Variants in CCN4 observed in about 807,000 individuals in gnomAD.
The protein encoded by CCN4 is cellular communication network factor 4, also known as CCN family member 4.
CCN4 carries 30 observed loss-of-function variants against 36.7 expected under a neutral mutation model. That is an observed-to-expected ratio of 0.82 (90% CI 0.61 to 1.11). CCN4 has a LOEUF of 1.11. Ranked by LOEUF, CCN4 falls within the 50% of genes least tolerant of loss-of-function variation. The probability of loss-of-function intolerance (pLI) is 0.00; values close to 1 mark genes in which losing one functional copy is unlikely to be tolerated. For missense variants in CCN4, 505 were observed against 504.9 expected, an observed-to-expected ratio of 1.00 and a Z score of 0.00; for synonymous variants, 191 against 195.4, an observed-to-expected ratio of 0.98 and a Z score of 0.19.
At chr8:133,212,241 A>G (rs1854072708) in intron 1 of CCN4, among the ~76,000 whole-genome samples, 1 of 151,748 alleles carries the variant, frequency 6.6e-6, no homozygotes, top group South Asian at 2.1e-4. Context: ...GCGCCAACTC[A>G]CTCCCCAAGG....
chr8:133,214,765 A>C (rs989109067), intron 2 of CCN4, among the ~76,000 whole-genome samples: 1 of 152,152 alleles, frequency 6.6e-6, no homozygotes, highest in African/African-American at 2.4e-5. Flanking sequence ...TCATAAACCC[A>C]AAAACTCCCT....
chr8:133,194,450 TGTGG>T (rs2130517031), intron 1 of CCN4, among the ~76,000 whole-genome samples: 1 of 53,288 alleles, frequency 1.9e-5, no homozygotes, highest in East Asian at 8.8e-4. Flanking sequence ...GTGGTGTGTG[TGTGG>T]TATGTGTGTG....
chr8:133,200,345 G>A (rs1275985214), intron 1 of CCN4, among the ~76,000 whole-genome samples: 1 of 152,204 alleles, frequency 6.6e-6, no homozygotes, highest in Non-Finnish European at 1.5e-5. Context: ...TCAGGAGACT[G>A]GAAGACGATC....
In CCN4 at chr8:133,227,453, A is replaced by G; in HGVS notation, c.847A>G (p.Met283Val). ...CLAVYQPEASMNFTLAGCIST... is the reference protein window; with the variant it reads ...CLAVYQPEASVNFTLAGCIST... ...GGCTGTGTACCAGCCAGAGGCATCCATGAACTTCACACTTGCGGGCTGCAT... is the reference window on the plus strand; with the variant it reads ...GGCTGTGTACCAGCCAGAGGCATCCGTGAACTTCACACTTGCGGGCTGCAT... Residue 283 changes from methionine to valine, a missense_variant, in exon 5 of 5, where the codon ATG becomes GTG. By Grantham distance (21) the Met-to-Val change is conservative (BLOSUM62 1). Transcript: ENST00000250160. 6.2e-7 allele frequency: 1 copy of G among 1,614,194 alleles called. No homozygotes were observed. Among genetic ancestry groups the G allele is most frequent in the African/African-American group, 1.3e-5 (1 of 75,054 alleles).
Position 133,213,016 on chromosome 8 carries a change from G to A in CCN4, c.222G>A (p.Glu74=). 6.2e-7 allele frequency: 1 copy of A among 1,614,176 alleles called. No individual in the cohort carries two copies. The change falls in exon 2 of 5, where the codon GAG becomes GAA. Residue 74 remains glutamate, a synonymous_variant. Transcript: ENST00000250160. ...LGVSLITDGC[E]CCKMCAQQLG... ...TCAGCCTCATCACAGATGGCTGTGA[G>A]TGCTGTAAGATGTGCGCTCAGCAGC...
intron 1 of CCN4, 29 bp from the exon 2 acceptor site, chr8:133,212,835 C>T: frequency 6.7e-7 from 1 of 1,498,784 alleles, no homozygotes; most frequent in Non-Finnish European, 9.0e-7. Flanking sequence ...TCTCAGCAGC[C>T]CCCCTTTCCC....
chr8:133,220,975 T>C (rs1854506372), intron 3 of CCN4, 134 bp downstream of exon 3: 2 of 1,228,628 alleles, frequency 1.6e-6, no homozygotes, highest in East Asian at 2.6e-5. Flanking sequence ...GAGAAAGTCA[T>C]ACCTCCCCTG....
At chr8:133,219,121 A>G (rs1249874145) in intron 2 of CCN4, among the ~76,000 whole-genome samples, 1 of 151,828 alleles carries the variant, frequency 6.6e-6, no homozygotes, top group African/African-American at 2.4e-5. Flanking sequence ...CATGTCCTCA[A>G]CTCAGCACCA....
At chr8:133,220,101 T>C (rs1854462371) in intron 2 of CCN4, among the ~76,000 whole-genome samples, 1 of 152,198 alleles carries the variant, frequency 6.6e-6, no homozygotes, top group Non-Finnish European at 1.5e-5. Flanking sequence ...GGCATGTCTT[T>C]TGTCTGTTTT....
At chr8:133,223,930 G>T (rs1854626656) in intron 3 of CCN4, among the ~76,000 whole-genome samples, 1 of 152,168 alleles carries the variant, frequency 6.6e-6, no homozygotes. Context: ...GGAGATACAT[G>T]CATCAATAGG....
chr8:133,192,661 G>A (rs183233048), intron 1 of CCN4, among the ~76,000 whole-genome samples: 63 of 152,324 alleles, frequency 4.1e-4, no homozygotes, highest in African/African-American at 1.3e-3. Context: ...GTATGGCTGC[G>A]CCTTTATTTG....
Position 133,227,749 on chromosome 8 carries a change from C to T in CCN4, c.*39C>T, listed in dbSNP as rs1854799358. On this transcript the variant is annotated 3_prime_UTR_variant, in exon 5 of 5. Transcript: ENST00000250160. ...TTGGGTCTTGGGGACTAACCCAATGCCTGTGAAGCAGTCAGCCCTTATGGC... is the reference window on the plus strand; with the variant it reads ...TTGGGTCTTGGGGACTAACCCAATGTCTGTGAAGCAGTCAGCCCTTATGGC... 2 of 1,586,068 alleles carry T rather than the reference C, an allele frequency of 1.3e-6. No homozygotes were observed. The highest frequency in any genetic ancestry group is 2.7e-5 in the African/African-American group (2 of 74,502).
intron 3 of CCN4, among the ~76,000 whole-genome samples, chr8:133,223,891 T>TA (rs1191279002): frequency 9.2e-5 from 14 of 152,178 alleles, no homozygotes; most frequent in Admixed American, 3.9e-4. Flanking sequence ...TTCAGATAGT[T>TA]AGAGAGCACT....
chr8:133,212,900 C>G lies in CCN4; in HGVS notation c.106C>G (p.Pro36Ala), dbSNP rs759578017. 1.1e-5 allele frequency: 18 copies of G among 1,609,604 alleles called. No homozygotes were observed. Among genetic ancestry groups the G allele is most frequent in the Middle Eastern group, 1.8e-4 (1 of 5,672 alleles). Residue 36 changes from proline (P) to alanine (A), a missense_variant, in exon 2 of 5, where the codon CCA (proline) becomes GCA (alanine). Pro to Ala is a conservative substitution (Grantham distance 27). Transcript: ENST00000250160. ...AGCCCCTACGACCATGGACTTTACCCCAGCTCCACTGGAGGACACCTCCTC... is the reference window on the plus strand; with the variant it reads ...AGCCCCTACGACCATGGACTTTACCGCAGCTCCACTGGAGGACACCTCCTC... Reference protein sequence around the residue: ...SPAPTTMDFTPAPLEDTSSRP... With the variant: ...SPAPTTMDFTAAPLEDTSSRP...
At chr8:133,205,531 C>T (rs1337883150) in intron 1 of CCN4, among the ~76,000 whole-genome samples, 1 of 152,186 alleles carries the variant, frequency 6.6e-6, no homozygotes, top group Non-Finnish European at 1.5e-5. Flanking sequence ...ATCTGCAGAA[C>T]AGGCCCAGGC....
intron 1 of CCN4, among the ~76,000 whole-genome samples, chr8:133,207,167 A>G (rs1160855413): frequency 6.6e-6 from 1 of 152,266 alleles, no homozygotes; most frequent in African/African-American, 2.4e-5. Context: ...CTCCAGGAGA[A>G]GTTCTGGCCA....
At position 133,225,426 on chromosome 8, in the gene CCN4, G is replaced by T. The variant is rs763295341; in HGVS notation, c.647G>T (p.Cys216Phe). The T allele has an allele frequency of 6.2e-7, 1 of 1,612,800 alleles. No individual in the cohort carries two copies. Among genetic ancestry groups the T allele is most frequent in the African/African-American group, 1.3e-5 (1 of 74,890 alleles). Residue 216 changes from cysteine to phenylalanine, a missense_variant, in exon 4 of 5, where the codon TGC becomes TTC. Cys to Phe is a radical substitution (Grantham distance 205). Coordinates refer to ENST00000250160, the MANE Select transcript of CCN4 (RefSeq NM_003882.4). ...VGEVEAWHRNCIAYTSPWSPC... is the reference protein window; with the variant it reads ...VGEVEAWHRNFIAYTSPWSPC... ...GAGGTGGAGGCATGGCACAGGAACT[G>T]CATAGCCTACACAAGCCCCTGGAGC...
chr8:133,206,980 G>A (rs1853798191), intron 1 of CCN4, among the ~76,000 whole-genome samples: 2 of 152,234 alleles, frequency 1.3e-5, no homozygotes, highest in South Asian at 4.1e-4. Flanking sequence ...CAGCTTTGGA[G>A]TGGAGCAGGA....
chr8:133,194,050 A>G (rs1037336364), intron 1 of CCN4, among the ~76,000 whole-genome samples: 1 of 151,848 alleles, frequency 6.6e-6, no homozygotes, highest in African/African-American at 2.4e-5. Flanking sequence ...TGAACGTGAA[A>G]ATGTGCCTGA....
Sources: gnomAD v4.1 joint callset for allele counts (sites outside exome capture counted in the v4.1 genomes callset) on GRCh38, gnomAD v4.1.1 for gene constraint, MANE v1.5 for transcripts, NCBI Gene and HGNC (gene_info 2026-07-23, HGNC 2026-07-21) for gene names.